The following CBFA2T3 variants were observed in gnomAD, a reference collection of about 807,000 sequenced individuals.
CBFA2T3 encodes the protein transcriptional corepressor CBFA2T3.
A neutral mutation model predicts 58.6 loss-of-function variants in CBFA2T3; 31 were observed. That is an observed-to-expected ratio of 0.53 (90% CI 0.40 to 0.71). CBFA2T3 has a LOEUF of 0.71. Ranked by LOEUF, CBFA2T3 falls within the 30% of genes least tolerant of loss-of-function variation. The pLI is 0.00. For synonymous variants in CBFA2T3, 531 were observed against 421.9 expected (o/e 1.26, Z -3.17); for missense variants, 1,076 against 963.1 (o/e 1.12, Z -1.55).
At chr16:88,905,434 G>A (rs555450573) in intron 1 of CBFA2T3, among the ~76,000 whole-genome samples, 6 of 152,082 alleles carry the variant, frequency 3.9e-5, no homozygotes, top group African/African-American at 9.6e-5. Flanking sequence ...TCCCTGTTCA[G>A]TCCTCAGGAT....
At chr16:88,908,067 C>T (rs115124094) in intron 1 of CBFA2T3, among the ~76,000 whole-genome samples, 8,148 of 152,280 alleles carry the variant, frequency 0.054, 356 homozygotes, top group African/African-American at 0.12. Context: ...ACCTGCCAGA[C>T]GTGGTGACTC....
Position 88,875,326 on chromosome 16 carries a change from G to C in CBFA2T3, c.*1650C>G. 1 of 195,396 alleles carries C rather than the reference G, an allele frequency of 5.1e-6. No homozygotes were observed. Among genetic ancestry groups the C allele is most frequent in the Middle Eastern group, 1.7e-3 (1 of 586 alleles). 12.1% of individuals were successfully genotyped at this position (195,396 alleles called of 1,614,324 possible). On this transcript the variant is annotated 3_prime_UTR_variant, in exon 12 of 12. Transcript: ENST00000268679. ...TTGAAATCGCTGAGGCAGTTGAGAG[G>C]AGTGGAGGGAGGGTGGGCAGGGCTG...
At chr16:88,883,104 G>C (rs1969194680) in intron 7 of CBFA2T3, among the ~76,000 whole-genome samples, 1 of 152,240 alleles carries the variant, frequency 6.6e-6, no homozygotes, top group African/African-American at 2.4e-5. Context: ...GTGGGGTGTG[G>C]ACCGAGGCTG....
chr16:88,970,864 C>T (rs1049589658), intron 1 of CBFA2T3, among the ~76,000 whole-genome samples: 2 of 152,134 alleles, frequency 1.3e-5, no homozygotes, highest in South Asian at 2.1e-4. Flanking sequence ...ATGAGTAGTA[C>T]GTAAGGGGGC....
chr16:88,916,784 C>T (rs1395791915), intron 1 of CBFA2T3, among the ~76,000 whole-genome samples: 1 of 151,976 alleles, frequency 6.6e-6, no homozygotes, highest in Non-Finnish European at 1.5e-5. Context: ...TGCTACAGCC[C>T]CTGGGGGTGA....
intron 1 of CBFA2T3, among the ~76,000 whole-genome samples, chr16:88,969,437 C>T (rs1025849615): frequency 3.9e-5 from 6 of 152,226 alleles, no homozygotes; most frequent in African/African-American, 7.2e-5. Context: ...GTCGCAAGAG[C>T]GGGGCCCCTT....
At chr16:88,882,620 G>A (rs1345485601) in intron 8 of CBFA2T3, 56 bp downstream of exon 8, 4 of 1,119,212 alleles carry the variant, frequency 3.6e-6, no homozygotes, top group East Asian at 5.2e-5. Context: ...CTGTGTGTGT[G>A]CGTGGCTGTG....
In CBFA2T3 at chr16:88,924,243, G is replaced by A. The variant is rs183592022; in HGVS notation, c.152-22587C>T. Among the ~76,000 whole-genome samples, 381 of 152,302 alleles carry A rather than the reference G, an allele frequency of 2.5e-3. 1 individual carries two copies. Among genetic ancestry groups the A allele is most frequent in the African/African-American group, 8.6e-3 (359 of 41,566 alleles). Reference sequence around the variant, plus strand: ...TGAAGATCTGCCCTCTCTGGGCCCCGCCTTCCTTGCTATTCCCTGGGAGCT... The same window carrying A: ...TGAAGATCTGCCCTCTCTGGGCCCCACCTTCCTTGCTATTCCCTGGGAGCT... On this transcript the variant is annotated intron_variant, in intron 1 of 11. Coordinates refer to ENST00000268679, the MANE Select transcript of CBFA2T3 (RefSeq NM_005187.6).
At chr16:88,914,032 G>A (rs548492966) in intron 1 of CBFA2T3, among the ~76,000 whole-genome samples, 2 of 152,328 alleles carry the variant, frequency 1.3e-5, no homozygotes, top group African/African-American at 4.8e-5. Context: ...CACCGAGGTA[G>A]AGGGACACGA....
chr16:88,894,521 G>A (rs1012763123), intron 3 of CBFA2T3, among the ~76,000 whole-genome samples: 8 of 121,228 alleles, frequency 6.6e-5, no homozygotes, highest in Non-Finnish European at 1.3e-4. Context: ...ACACACACAT[G>A]CATACATATA....
rs74033222 is a variant in CBFA2T3 at position 88,965,640 on chromosome 16, C to A, written c.151+11017G>T. On this transcript the variant is annotated intron_variant, in intron 1 of 11. Coordinates refer to ENST00000268679, the MANE Select transcript of CBFA2T3 (RefSeq NM_005187.6). ...CTTCTGTGACCCAGTGGTGAGGTTG[C>A]GGGGTGCAGCTGTCACCTTATTTAT... Among the ~76,000 whole-genome samples the A allele has an allele frequency of 9.4e-3, 1,432 of 152,298 alleles. 25 individuals carry two copies. The highest frequency in any genetic ancestry group is 0.033 in the African/African-American group (1,387 of 41,564).
intron 11 of CBFA2T3, among the ~76,000 whole-genome samples, chr16:88,878,675 G>A (rs1404347206): frequency 6.6e-6 from 1 of 152,268 alleles, no homozygotes; most frequent in Non-Finnish European, 1.5e-5. Flanking sequence ...GCCAGGCACA[G>A]CGGCTCGCTT....
At position 88,885,213 on chromosome 16, in the gene CBFA2T3, C is replaced by T. The variant is rs767127378; in HGVS notation, c.950G>A (p.Arg317Gln). ...DPLHPEHLSK[R>Q]PCTLNPAQRY... ...CTGGGCAGGGTTCAGGGTGCATGGCCGTTTGCTGAGGTGCTCGGGGTGCAG... is the reference window on the plus strand; with the variant it reads ...CTGGGCAGGGTTCAGGGTGCATGGCTGTTTGCTGAGGTGCTCGGGGTGCAG... Residue 317 changes from arginine (R) to glutamine (Q), a missense_variant, in exon 7 of 12, where the codon CGG becomes CAG. Coordinates refer to ENST00000268679, the MANE Select transcript of CBFA2T3 (RefSeq NM_005187.6). This position sits in a 1 kb window ranked among gnomAD's most constrained non-coding sequence, Gnocchi z 5.3. 5.0e-6 allele frequency: 8 copies of T among 1,595,662 alleles called. No homozygotes were observed. Among genetic ancestry groups the T allele is most frequent in the South Asian group, 1.1e-5 (1 of 90,054 alleles).
At chr16:88,962,088 C>T (rs1045251643) in intron 1 of CBFA2T3, among the ~76,000 whole-genome samples, 24 of 149,616 alleles carry the variant, frequency 1.6e-4, no homozygotes, top group Non-Finnish European at 3.3e-4. Context: ...CCATAGTAAC[C>T]GACACTCAGC....
rs1969061923 is a variant in CBFA2T3 at position 88,881,276 on chromosome 16, A to G, written c.1402+15T>C. On this transcript the variant is annotated intron_variant, in intron 9 of 11. Transcript: ENST00000268679. ...CACCCCGTGTCTGCTCCCTCCCCCC[A>G]CACCCCACACGCACCTAGCTGAGGC... The G allele has an allele frequency of 6.3e-7, 1 of 1,592,486 alleles. No individual in the cohort carries two copies. The highest frequency in any genetic ancestry group is 2.2e-5 in the East Asian group (1 of 44,564).
chr16:88,885,020 C>G lies in CBFA2T3; in HGVS notation c.1117+26G>C, dbSNP rs376612728. 8.1e-5 allele frequency: 125 copies of G among 1,548,308 alleles called. No homozygotes were observed. Among genetic ancestry groups the G allele is most frequent in the Non-Finnish European group, 1.1e-4 (125 of 1,143,806 alleles). On this transcript the variant is annotated intron_variant, in intron 7 of 11. Transcript: ENST00000268679. The surrounding 1 kb of genome is among the most constrained non-coding windows in gnomAD (Gnocchi z 5.3). Reference sequence around the variant, plus strand: ...TGTGTGCTCCTGTAACACGCGTCCACGCTCCCGCCCCACCGGGCTGCTCAC... The same window carrying G: ...TGTGTGCTCCTGTAACACGCGTCCAGGCTCCCGCCCCACCGGGCTGCTCAC...
At chr16:88,916,193 T>C (rs1402732467) in intron 1 of CBFA2T3, among the ~76,000 whole-genome samples, 1 of 151,840 alleles carries the variant, frequency 6.6e-6, no homozygotes, top group Non-Finnish European at 1.5e-5. Context: ...CGCATGGGTG[T>C]GTGTCCGTGT....
rs1196668380 is a variant in CBFA2T3, at chr16:88,953,938, C to G, written c.151+22719G>C. Reference sequence around the variant, plus strand: ...ACAGAGCAGGTGGGCTGTGCTCCTGCCCTGGGCAAATGAGGGCAGGCGGCC... The same window carrying G: ...ACAGAGCAGGTGGGCTGTGCTCCTGGCCTGGGCAAATGAGGGCAGGCGGCC... On this transcript the variant is annotated intron_variant, in intron 1 of 11. Coordinates refer to ENST00000268679, the MANE Select transcript of CBFA2T3 (RefSeq NM_005187.6). This position sits in a 1 kb window ranked among gnomAD's most constrained non-coding sequence, Gnocchi z 4.9. Among the ~76,000 whole-genome samples, 1 of 152,036 alleles carries G rather than the reference C, an allele frequency of 6.6e-6. No individual in the cohort carries two copies. Among genetic ancestry groups the G allele is most frequent in the Non-Finnish European group, 1.5e-5 (1 of 67,980 alleles).
At chr16:88,942,171 G>T (rs1318781532) in intron 1 of CBFA2T3, among the ~76,000 whole-genome samples, 2 of 152,020 alleles carry the variant, frequency 1.3e-5, no homozygotes, top group African/African-American at 4.8e-5. Context: ...TTTCTCTGCC[G>T]GCAGGCCCCC....
Sources: allele counts gnomAD v4.1 joint callset (sites outside exome capture counted in the v4.1 genomes callset), GRCh38; gene constraint gnomAD v4.1.1; non-coding constraint Gnocchi (gnomAD v3.1); transcripts MANE v1.5; gene names NCBI Gene and HGNC (gene_info 2026-07-23, HGNC 2026-07-21).